Variants in PLA2R1 observed in about 807,000 individuals in gnomAD.
PLA2R1 encodes secretory phospholipase A2 receptor.
A neutral mutation model predicts 195.9 loss-of-function variants in PLA2R1; 158 were observed. The ratio of observed to expected loss-of-function variants is 0.81; its 90% CI spans 0.71 to 0.92. PLA2R1 has a LOEUF of 0.92. Among genes scored for constraint, PLA2R1 ranks in the 40% least tolerant of loss-of-function variants. PLA2R1 has a pLI of 0.00. For synonymous variants in PLA2R1, 586 were observed against 598.2 expected (o/e 0.98, Z 0.30); for missense variants, 1,626 against 1,764.6 (o/e 0.92, Z 1.41).
At chr2:160,049,459 A>C (rs1343450751) in intron 1 of PLA2R1, among the ~76,000 whole-genome samples, 1 of 152,222 alleles carries the variant, frequency 6.6e-6, no homozygotes, top group African/African-American at 2.4e-5. Context: ...ATTTGCCTAA[A>C]TATCTGTTCT....
intron 20 of PLA2R1, among the ~76,000 whole-genome samples, chr2:159,957,216 G>A (rs1445363656): frequency 6.6e-6 from 1 of 152,134 alleles, no homozygotes; most frequent in Non-Finnish European, 1.5e-5. Flanking sequence ...AAGAAACCTG[G>A]GAAGAAGTAG....
At chr2:160,036,781 C>G (rs1026254739) in intron 3 of PLA2R1, among the ~76,000 whole-genome samples, 1 of 152,204 alleles carries the variant, frequency 6.6e-6, no homozygotes, top group South Asian at 2.1e-4. Flanking sequence ...ATCTATACAA[C>G]TGAAAAGCCT....
At position 159,938,539 on chromosome 2, in the gene PLA2R1, C is replaced by T. The variant is rs1018459597; in HGVS notation, c.*3239G>A. The T allele has an allele frequency of 1.3e-5, 2 of 152,372 alleles. No individual in the cohort carries two copies. Among genetic ancestry groups the T allele is most frequent in the African/African-American group, 2.4e-5 (1 of 41,472 alleles). 9.4% of individuals were successfully genotyped at this position (152,372 alleles called of 1,614,324 possible). On this transcript the variant is annotated 3_prime_UTR_variant, in exon 30 of 30. Transcript: ENST00000283243. ...CGGATAGGGAATTCAACAGGAGACA[C>T]AGCCAGTTCTCAAGAGATAAGACAG...
At chr2:159,925,317 T>G in the PLA2R1 span, among the ~76,000 whole-genome samples, 2 of 152,176 alleles carry the variant, frequency 1.3e-5, no homozygotes, top group Non-Finnish European at 2.9e-5. Context: ...ATGTGTGTAT[T>G]GACAAGGGGG....
chr2:160,031,501 G>A (rs144952131), intron 4 of PLA2R1, among the ~76,000 whole-genome samples: 1 of 152,330 alleles, frequency 6.6e-6, no homozygotes, highest in East Asian at 1.9e-4. Context: ...ATGTGTGCCA[G>A]GCACTTTTCT....
chr2:160,029,008 C>A (rs1202768716), intron 4 of PLA2R1, 45 bp from the exon 5 acceptor site: 1 of 1,036,194 alleles, frequency 9.7e-7, no homozygotes, highest in Non-Finnish European at 1.5e-6. Context: ...TCCAGTGTTA[C>A]ACATCTTTCT....
chr2:159,945,905 AT>A, intron 27 of PLA2R1: 1 of 859,792 alleles, frequency 1.2e-6, no homozygotes, highest in Non-Finnish European at 1.4e-6. Context: ...ATTTTGAAAT[AT>A]TCCATATATA....
In PLA2R1 at chr2:159,948,000, TG is replaced by T. The variant is rs939817142; in HGVS notation, c.3710-442del. 1.4e-4 allele frequency among the ~76,000 whole-genome samples: 22 copies of T among 152,112 alleles called. 1 individual carries two copies. Among genetic ancestry groups the T allele is most frequent in the Non-Finnish European group, 1.9e-4 (13 of 68,010 alleles). ...AAGTCCTTACCCACTAATAAACCTG[TG>T]AAAGAAAATAATGCATTCAATAAAG... On this transcript the variant is annotated intron_variant, in intron 25 of 29. Transcript: ENST00000283243.
At chr2:160,051,711 G>C in intron 1 of PLA2R1, among the ~76,000 whole-genome samples, 1 of 152,184 alleles carries the variant, frequency 6.6e-6, no homozygotes, top group East Asian at 1.9e-4. Flanking sequence ...CAGAAAATCT[G>C]TATTCTTAAT....
At chr2:159,956,386 T>C in intron 21 of PLA2R1, 124 bp downstream of exon 21, 1 of 678,216 alleles carries the variant, frequency 1.5e-6, no homozygotes, top group Non-Finnish European at 2.7e-6. Flanking sequence ...CAAACTCGTG[T>C]ATCATCAGCA....
intron 23 of PLA2R1, among the ~76,000 whole-genome samples, 166 bp from the exon 24 acceptor site, chr2:159,951,744 A>G (rs6432569): frequency 0.99 from 150,611 of 152,340 alleles, 74,475 homozygotes; most frequent in Middle Eastern, 1. Flanking sequence ...TAAGTGATGC[A>G]AAAAAATGAG....
chr2:159,977,474 G>T (rs1689653441), intron 14 of PLA2R1, 58 bp from the exon 15 acceptor site: 2 of 1,515,864 alleles, frequency 1.3e-6, no homozygotes, highest in Non-Finnish European at 1.8e-6. Context: ...AGTTTCAAAA[G>T]ATCAAAAAGG....
At chr2:159,991,568 T>G (rs953089814) in intron 11 of PLA2R1, among the ~76,000 whole-genome samples, 9 of 151,040 alleles carry the variant, frequency 6.0e-5, no homozygotes, top group African/African-American at 2.2e-4. Context: ...ACCCACTAAC[T>G]TGTCATCCAG....
intron 6 of PLA2R1, among the ~76,000 whole-genome samples, chr2:160,023,877 C>T (rs542643073): frequency 1.3e-5 from 2 of 152,240 alleles, no homozygotes; most frequent in Non-Finnish European, 1.5e-5. Context: ...CACAGAAACC[C>T]TTGCTGCCCC....
intron 10 of PLA2R1, among the ~76,000 whole-genome samples, chr2:160,011,974 G>C (rs1692395993): frequency 1.3e-5 from 2 of 152,104 alleles, no homozygotes; most frequent in African/African-American, 4.8e-5. Flanking sequence ...GTCTGTTTGT[G>C]TGTGTGTGTA....
chr2:159,929,289 C>T (rs935272702), downstream of PLA2R1, among the ~76,000 whole-genome samples: 51 of 152,064 alleles, frequency 3.4e-4, no homozygotes, highest in South Asian at 4.1e-4. Flanking sequence ...CGACATGGAA[C>T]TCAAACAAAT....
At chr2:159,970,017 T>A (rs1029933030) in intron 18 of PLA2R1, 131 bp downstream of exon 18, 1 of 600,464 alleles carries the variant, frequency 1.7e-6, no homozygotes, top group Non-Finnish European at 2.9e-6. Context: ...ATGTCTTTGG[T>A]TAGAGAAGTG....
intron 17 of PLA2R1, among the ~76,000 whole-genome samples, chr2:159,974,456 G>A (rs946953670): frequency 6.6e-6 from 1 of 152,072 alleles, no homozygotes; most frequent in Non-Finnish European, 1.5e-5. Context: ...AAACAGTTAT[G>A]GTAAGTATAG....
At chr2:160,053,229 C>T (rs1433388461) in intron 1 of PLA2R1, among the ~76,000 whole-genome samples, 1 of 152,024 alleles carries the variant, frequency 6.6e-6, no homozygotes, top group African/African-American at 2.4e-5. Context: ...CCAAGTTTCC[C>T]CTTCTTATGA....
Sources: gnomAD v4.1 joint callset for allele counts (sites outside exome capture counted in the v4.1 genomes callset) on GRCh38, gnomAD v4.1.1 for gene constraint, MANE v1.5 for transcripts, NCBI Gene and HGNC (gene_info 2026-07-23, HGNC 2026-07-21) for gene names.